The following SGCZ variants were observed in gnomAD, a reference collection of about 807,000 sequenced individuals.
SGCZ encodes the protein zeta-sarcoglycan.
Under a neutral mutation model 41.3 loss-of-function variants are expected in SGCZ, and 40 were observed. The observed-to-expected ratio is 0.97, with a 90% CI of 0.75 to 1.26. The LOEUF is 1.26. Ranked by LOEUF, SGCZ falls within the 50% of genes most tolerant of loss-of-function variation. The pLI is 0.00. For synonymous variants in SGCZ, 206 were observed against 137.5 expected, an observed-to-expected ratio of 1.50 and a Z score of -3.49; for missense variants, 552 against 369.8, an observed-to-expected ratio of 1.49 and a Z score of -4.04.
chr8:14,332,686 T>A (rs750563507), intron 2 of SGCZ: 3 of 151,648 alleles, frequency 2.0e-5, no homozygotes, highest in African/African-American at 7.3e-5. Flanking sequence ...ATAAATCCAA[T>A]GAGACTACAA....
chr8:14,671,161 G>A (rs1477343737), intron 1 of SGCZ, among the ~76,000 whole-genome samples: 2 of 152,146 alleles, frequency 1.3e-5, no homozygotes, highest in Admixed American at 6.5e-5. Flanking sequence ...TCCATTTATA[G>A]AACCCATTTC....
chr8:14,096,986 C>A (rs1029071746), intron 7 of SGCZ, among the ~76,000 whole-genome samples: 1 of 151,666 alleles, frequency 6.6e-6, no homozygotes, highest in Non-Finnish European at 1.5e-5. Flanking sequence ...TTTGATTCTT[C>A]TCTCTTTCCT....
At chr8:14,767,119 A>G (rs560446783) in intron 1 of SGCZ, among the ~76,000 whole-genome samples, 82 of 152,318 alleles carry the variant, frequency 5.4e-4, no homozygotes, top group African/African-American at 1.8e-3. Context: ...GAGCTTGTCA[A>G]TATTCAGAAT....
At chr8:15,025,738 G>C (rs1283949825) in intron 1 of SGCZ, among the ~76,000 whole-genome samples, 6 of 152,132 alleles carry the variant, frequency 3.9e-5, no homozygotes, top group African/African-American at 1.2e-4. Flanking sequence ...AGCAATTTCT[G>C]ACATATGAGA....
chr8:14,542,244 C>T (rs575278810), intron 2 of SGCZ, among the ~76,000 whole-genome samples: 75 of 152,172 alleles, frequency 4.9e-4, no homozygotes, highest in Admixed American at 2.2e-3. Flanking sequence ...AGGTTGTCTT[C>T]TAGGGTTTTT....
chr8:14,298,036 T>G (rs912726260), intron 3 of SGCZ, among the ~76,000 whole-genome samples: 1 of 152,006 alleles, frequency 6.6e-6, no homozygotes, highest in African/African-American at 2.4e-5. Flanking sequence ...ATCCTAAGAA[T>G]GTAGGATGAT....
chr8:14,613,792 G>A (rs551196652), intron 1 of SGCZ, among the ~76,000 whole-genome samples: 2 of 152,048 alleles, frequency 1.3e-5, no homozygotes, highest in East Asian at 3.9e-4. Context: ...GTTTAATGAA[G>A]TTGGCCACTC....
chr8:14,493,359 C>CTTTTTTTTTTTTTTTTTTTTTTTTT lies in SGCZ; in HGVS notation c.234+61348_234+61372dup, dbSNP rs57898016. The stretch of plus-strand genomic sequence containing the variant: ...CATACTTTTCCCACTATCATCCTTT[C>CTTTTTTTTTTTTTTTTTTTTTTTTT]TTTTTTTTTTTTTTTTTTTTTTTTT... On this transcript the variant is annotated intron_variant, in intron 2 of 7. Coordinates refer to ENST00000382080, the MANE Select transcript of SGCZ (RefSeq NM_139167.4). 4.2e-3 allele frequency among the ~76,000 whole-genome samples: 185 copies of CTTTTTTTTTTTTTTTTTTTTTTTTT among 44,272 alleles called. 35 individuals carry two copies. Among genetic ancestry groups the CTTTTTTTTTTTTTTTTTTTTTTTTT allele is most frequent in the African/African-American group, 6.3e-3 (83 of 13,250 alleles). 29.0% of individuals were successfully genotyped at this position (44,272 alleles called of 152,430 possible).
intron 1 of SGCZ, among the ~76,000 whole-genome samples, chr8:14,806,452 C>T (rs1042980399): frequency 6.6e-6 from 1 of 151,746 alleles, no homozygotes; most frequent in Non-Finnish European, 1.5e-5. Flanking sequence ...ACTACAAACA[C>T]CTCTACGCAA....
At chr8:14,365,500 C>T (rs1229831793) in intron 2 of SGCZ, among the ~76,000 whole-genome samples, 1 of 152,032 alleles carries the variant, frequency 6.6e-6, no homozygotes, top group African/African-American at 2.4e-5. Context: ...TTCCATGATG[C>T]AAACTTTTAG....
intron 1 of SGCZ, among the ~76,000 whole-genome samples, chr8:15,011,968 G>T (rs1020625291): frequency 6.6e-6 from 1 of 152,000 alleles, no homozygotes; most frequent in Non-Finnish European, 1.5e-5. Context: ...AAGAAATTAC[G>T]TCAAAGAAGA....
chr8:15,178,198 T>C (rs2117080130), intron 1 of SGCZ, among the ~76,000 whole-genome samples: 1 of 152,100 alleles, frequency 6.6e-6, no homozygotes, highest in Non-Finnish European at 1.5e-5. Flanking sequence ...CAACCATTTC[T>C]TTTTTTGTTT....
intron 1 of SGCZ, among the ~76,000 whole-genome samples, chr8:14,769,793 T>TAAAAAAAAAAAAAAAAAAAAAAAA (rs565416806): frequency 1.5e-4 from 8 of 52,200 alleles, no homozygotes; most frequent in African/African-American, 6.2e-4. Context: ...AAAACACCAT[T>TAAAAAAAAAAAAAAAAAAAAAAAA]AAAAAAAAAA....
intron 1 of SGCZ, among the ~76,000 whole-genome samples, chr8:14,975,906 A>C (rs1224681751): frequency 6.7e-6 from 1 of 148,510 alleles, no homozygotes; most frequent in East Asian, 2.0e-4. Context: ...ATATATATAC[A>C]CACACATATC....
chr8:14,558,955 AAACTGGCACAG>A lies in SGCZ; in HGVS notation c.40-4040_40-4030del, dbSNP rs539277111. 5.3e-5 allele frequency among the ~76,000 whole-genome samples: 8 copies of A among 152,164 alleles called. No homozygotes were observed. In the East Asian group the frequency reaches 1.6e-3, roughly 30 times the overall value. ...CCCTTTATGATTAAAACCCTCAACA[AAACTGGCACAG>A]AAGGGACATACCTCAATGTAATAAA... On this transcript the variant is annotated intron_variant, in intron 1 of 7. Transcript: ENST00000382080.
intron 2 of SGCZ, among the ~76,000 whole-genome samples, chr8:14,436,109 G>C (rs943118205): frequency 2.0e-5 from 3 of 152,170 alleles, no homozygotes; most frequent in African/African-American, 4.8e-5. Context: ...TCAAACTTCT[G>C]TCTAGCAGGA....
intron 7 of SGCZ, among the ~76,000 whole-genome samples, chr8:14,094,092 C>T (rs1040303780): frequency 6.6e-6 from 1 of 152,078 alleles, no homozygotes; most frequent in African/African-American, 2.4e-5. Context: ...TCTGTTTTCT[C>T]TTCCATATAC....
At chr8:15,181,812 T>C (rs1483736527) in intron 1 of SGCZ, among the ~76,000 whole-genome samples, 1 of 152,198 alleles carries the variant, frequency 6.6e-6, no homozygotes. Flanking sequence ...GATAAAAATT[T>C]ATAAGGTGAA....
At position 14,638,526 on chromosome 8, in the gene SGCZ, G is replaced by A. The variant is rs529934217; in HGVS notation, c.40-83600C>T. 1.9e-4 allele frequency among the ~76,000 whole-genome samples: 29 copies of A among 151,854 alleles called. No homozygotes were observed. The South Asian group carries it at 6.0e-3, about 32-fold the overall frequency. On this transcript the variant is annotated intron_variant, in intron 1 of 7. Transcript: ENST00000382080. Reference sequence around the variant, plus strand: ...ATCAATATCTCCTTACCTCCTGCAAGACACATTATAAACTCCTTAGCATAT... The same window carrying A: ...ATCAATATCTCCTTACCTCCTGCAAAACACATTATAAACTCCTTAGCATAT...
Sources: gnomAD v4.1 joint callset for allele counts (sites outside exome capture counted in the v4.1 genomes callset) on GRCh38, gnomAD v4.1.1 for gene constraint, MANE v1.5 for transcripts, NCBI Gene and HGNC (gene_info 2026-07-23, HGNC 2026-07-21) for gene names.